The following DNAH14 variants were observed in gnomAD, a reference collection of about 807,000 sequenced individuals.
The protein encoded by DNAH14 is dynein axonemal heavy chain 14, also known as axonemal beta dynein heavy chain 14.
A neutral mutation model predicts 520.9 loss-of-function variants in DNAH14; 478 were observed. The observed-to-expected ratio is 0.92, with a 90% CI of 0.85 to 0.99. The LOEUF is 0.99. Among genes scored for constraint, DNAH14 ranks in the 50% least tolerant of loss-of-function variants. DNAH14 has a pLI of 0.00. For missense variants in DNAH14, 4,831 were observed against 5,234.5 expected (o/e 0.92, Z 2.38); for synonymous variants, 1,581 against 1,757.2 (o/e 0.90, Z 2.51).
chr1:225,163,847 A>C, intron 35 of DNAH14, among the ~76,000 whole-genome samples: 1 of 152,106 alleles, frequency 6.6e-6, no homozygotes, highest in Non-Finnish European at 1.5e-5. Flanking sequence ...TGGTTTGGGT[A>C]TCAGGATAAC....
rs759770584 is a variant in DNAH14 at position 225,118,099 on chromosome 1, ACT to A, written c.4091+101_4091+102del. ...TATATTATAAAAGTGCGCTAAGCAA[ACT>A]GTTTCTTCAAAGATTATATCCTTAC... is the stretch of plus-strand genomic sequence containing the variant. On this transcript the variant is annotated intron_variant, in intron 25 of 85. Coordinates refer to ENST00000682510, the MANE Select transcript of DNAH14 (RefSeq NM_001367479.1). The A allele has an allele frequency of 1.4e-4, 123 of 887,894 alleles. No individual in the cohort carries two copies. The South Asian group carries it at 1.7e-3, about 12-fold the overall frequency. 55.0% of individuals were successfully genotyped at this position (887,894 alleles called of 1,614,324 possible).
At chr1:224,990,159 G>A (rs1267482400) in intron 8 of DNAH14, among the ~76,000 whole-genome samples, 1 of 151,820 alleles carries the variant, frequency 6.6e-6, no homozygotes, top group African/African-American at 2.4e-5. Context: ...TGACTTAAAT[G>A]ATATTATATA....
rs533115735 is a variant in DNAH14, at chr1:225,042,994, T to G, written c.1648T>G (p.Phe550Val). The G allele has an allele frequency of 1.9e-6, 3 of 1,551,728 alleles. No individual in the cohort carries two copies. The African/African-American group carries it at 4.1e-5, about 21-fold the overall frequency. ...SDQCPEECVM[F>V]EDEMSENKDN... ...CCAGTGCCCTGAAGAGTGTGTGATG[T>G]TTGAAGATGAAATGTCAGAAAATAA... The change falls in exon 13 of 86, where the codon TTT (phenylalanine) becomes GTT (valine). Residue 550 changes from phenylalanine (F) to valine (V), a missense_variant. Phe to Val is a conservative substitution (Grantham distance 50). Coordinates refer to ENST00000682510, the MANE Select transcript of DNAH14 (RefSeq NM_001367479.1).
chr1:224,945,364 C>T (rs893433361), intron 1 of DNAH14, among the ~76,000 whole-genome samples: 1 of 152,150 alleles, frequency 6.6e-6, no homozygotes, highest in Non-Finnish European at 1.5e-5. Flanking sequence ...AAGGACTTCT[C>T]TGCATTGGTT....
In DNAH14 at chr1:225,143,218, T is replaced by A. The variant is rs144078427; in HGVS notation, c.4509-1179T>A. 3.9e-3 allele frequency among the ~76,000 whole-genome samples: 590 copies of A among 152,126 alleles called. 10 individuals carry two copies. The East Asian group carries it at 0.054, about 14-fold the overall frequency. On this transcript the variant is annotated intron_variant, in intron 28 of 85. Transcript: ENST00000682510. The stretch of plus-strand genomic sequence containing the variant: ...AGGGAAAGGCTCTGGAAATTGATTT[T>A]CTATCAAAATAATGATTTGGCACTC...
chr1:225,228,052 C>G (rs556300160), intron 41 of DNAH14, among the ~76,000 whole-genome samples: 1 of 152,258 alleles, frequency 6.6e-6, no homozygotes, highest in African/African-American at 2.4e-5. Context: ...CAATTTGACA[C>G]ATGATTGGCA....
rs537594655 is a variant in DNAH14, at chr1:225,149,283, T to C, written c.4940+2034T>C. On this transcript the variant is annotated intron_variant, in intron 31 of 85. Transcript: ENST00000682510. ...CTCTCTATTCTGTTCCATTGGTCTATGTGCCTGTTTTTTGTACCAGTACCA... is the reference window on the plus strand; with the variant it reads ...CTCTCTATTCTGTTCCATTGGTCTACGTGCCTGTTTTTTGTACCAGTACCA... 2.6e-5 allele frequency among the ~76,000 whole-genome samples: 4 copies of C among 152,332 alleles called. No individual in the cohort carries two copies. In the East Asian group the frequency reaches 7.7e-4, roughly 29 times the overall value.
chr1:225,335,411 G>A (rs796627774), intron 66 of DNAH14, among the ~76,000 whole-genome samples: 23 of 76,094 alleles, frequency 3.0e-4, no homozygotes, highest in African/African-American at 1.2e-3. Flanking sequence ...ACATGTGTGT[G>A]TATGCACATA....
chr1:225,084,300 C>T (rs1244423414), intron 20 of DNAH14, among the ~76,000 whole-genome samples: 3 of 151,964 alleles, frequency 2.0e-5, no homozygotes, highest in Non-Finnish European at 2.9e-5. Flanking sequence ...TGATTTTGGC[C>T]ATCCTGTAGA....
At chr1:225,260,605 C>CT (rs76332468) in intron 46 of DNAH14, among the ~76,000 whole-genome samples, 21 of 149,164 alleles carry the variant, frequency 1.4e-4, no homozygotes, top group African/African-American at 4.4e-4. Context: ...ATGCCACAAG[C>CT]TTTTTTTTTT....
intron 38 of DNAH14, among the ~76,000 whole-genome samples, chr1:225,199,326 T>C (rs2086527813): frequency 6.6e-6 from 1 of 152,188 alleles, no homozygotes; most frequent in Non-Finnish European, 1.5e-5. Context: ...ATTTTTTGTT[T>C]CAATTTCATT....
chr1:225,049,756 A>G (rs145916104), intron 15 of DNAH14, among the ~76,000 whole-genome samples: 10 of 143,782 alleles, frequency 7.0e-5, no homozygotes, highest in East Asian at 4.0e-4. Context: ...TTGTTTATCT[A>G]TCTGTCTATC....
At chr1:225,255,423 T>TAC (rs1160708911) in intron 44 of DNAH14, among the ~76,000 whole-genome samples, 1 of 152,176 alleles carries the variant, frequency 6.6e-6, no homozygotes, top group Non-Finnish European at 1.5e-5. Context: ...CTTTCTCACA[T>TAC]ACACACACAC....
intron 27 of DNAH14, among the ~76,000 whole-genome samples, chr1:225,132,587 A>G (rs964752076): frequency 5.9e-5 from 9 of 152,166 alleles, no homozygotes; most frequent in African/African-American, 2.2e-4. Context: ...CATGATGTAT[A>G]TGTACCACAT....
At chr1:225,098,733 A>G (rs1389722324) in intron 22 of DNAH14, among the ~76,000 whole-genome samples, 2 of 152,230 alleles carry the variant, frequency 1.3e-5, no homozygotes, top group African/African-American at 4.8e-5. Context: ...TTATGGATAC[A>G]ACAACTTTGA....
At chr1:225,118,950 A>C (rs1002318277) in intron 25 of DNAH14, among the ~76,000 whole-genome samples, 4 of 151,950 alleles carry the variant, frequency 2.6e-5, no homozygotes, top group African/African-American at 9.7e-5. Flanking sequence ...TTTATAACAC[A>C]ATTTGTTTAT....
intron 21 of DNAH14, among the ~76,000 whole-genome samples, chr1:225,091,113 T>C (rs1277738178): frequency 6.6e-6 from 1 of 150,858 alleles, no homozygotes. Flanking sequence ...GGATCTATGA[T>C]TCATTGGTTT....
Position 225,144,633 on chromosome 1 carries a change from G to A in DNAH14, c.4740+5G>A. 1 of 1,545,806 alleles carries A rather than the reference G, an allele frequency of 6.5e-7. No homozygotes were observed. The highest frequency in any genetic ancestry group is 2.0e-5 in the Admixed American group (1 of 50,614). On this transcript the variant is annotated splice_donor_5th_base_variant and intron_variant, in intron 29 of 85. Coordinates refer to ENST00000682510, the MANE Select transcript of DNAH14 (RefSeq NM_001367479.1). The stretch of plus-strand genomic sequence containing the variant: ...ACTGTCAAAGATCTAGCAAAAGTAA[G>A]TGGTTTCTGTATCCAGAATAAAAAC...
intron 27 of DNAH14, among the ~76,000 whole-genome samples, chr1:225,125,481 C>G (rs1279206360): frequency 6.6e-6 from 1 of 152,216 alleles, no homozygotes; most frequent in East Asian, 1.9e-4. Context: ...TTTTACATTA[C>G]TGAGACAGCT....
Sources: gnomAD v4.1 joint callset for allele counts (sites outside exome capture counted in the v4.1 genomes callset) on GRCh38, gnomAD v4.1.1 for gene constraint, MANE v1.5 for transcripts, NCBI Gene and HGNC (gene_info 2026-07-23, HGNC 2026-07-21) for gene names.